Variants in CHKA observed in about 807,000 individuals in gnomAD.
CHKA encodes the protein CHETK-alpha.
In CHKA, 34 loss-of-function variants were observed where a neutral mutation model predicts 60.1. The observed-to-expected ratio is 0.57, with a 90% CI of 0.43 to 0.75. CHKA has a LOEUF of 0.75. Among genes scored for constraint, CHKA ranks in the 30% least tolerant of loss-of-function variants. The probability of loss-of-function intolerance (pLI) is 0.00; values close to 1 mark genes in which losing one functional copy is unlikely to be tolerated. For missense variants in CHKA, 563 were observed against 561.3 expected, an observed-to-expected ratio of 1.00 and a Z score of -0.03; for synonymous variants, 217 against 223.1, an observed-to-expected ratio of 0.97 and a Z score of 0.24.
rs557635700 is a variant in CHKA at position 68,076,137 on chromosome 11, A to C, written c.517-1307T>G. Among the ~76,000 whole-genome samples, 9 of 152,324 alleles carry C rather than the reference A, an allele frequency of 5.9e-5. No individual in the cohort carries two copies. The South Asian group carries it at 1.9e-3, about 32-fold the overall frequency. ...AAATGGATTTGCCGGTAATCCCCCC[A>C]CAATTATCGTCTACAACCATCATTC... On this transcript the variant is annotated intron_variant, in intron 3 of 11. Coordinates refer to ENST00000265689, the MANE Select transcript of CHKA (RefSeq NM_001277.3).
At position 68,077,372 on chromosome 11, in the gene CHKA, T is replaced by C. The variant is rs78688712; in HGVS notation, c.517-2542A>G. 1.5e-3 allele frequency among the ~76,000 whole-genome samples: 224 copies of C among 152,294 alleles called. 1 individual carries two copies. Among genetic ancestry groups the C allele is most frequent in the Non-Finnish European group, 2.1e-3 (141 of 68,024 alleles). On this transcript the variant is annotated intron_variant, in intron 3 of 11. Transcript: ENST00000265689. ...TGTCATCACTATGTCTCCAGGCACCTTCCTGATTGCTCCTGAAAGTGAGCA... is the reference window on the plus strand; with the variant it reads ...TGTCATCACTATGTCTCCAGGCACCCTCCTGATTGCTCCTGAAAGTGAGCA...
At chr11:68,097,197 A>C (rs1590869775) in intron 1 of CHKA, 67 bp from the exon 2 acceptor site, 1 of 1,207,290 alleles carries the variant, frequency 8.3e-7, no homozygotes, top group East Asian at 2.4e-5. Flanking sequence ...TCTTGGATAA[A>C]TATGGATGAA....
In CHKA at chr11:68,078,951, A is replaced by T. The variant is rs550404172; in HGVS notation, c.516+2453T>A. ...TTTTTTTGGAGATATTATTATTATT[A>T]TTTTTTTTTTGGAGATGGATAGCCC... On this transcript the variant is annotated intron_variant, in intron 3 of 11. Coordinates refer to ENST00000265689, the MANE Select transcript of CHKA (RefSeq NM_001277.3). Among the ~76,000 whole-genome samples the T allele has an allele frequency of 5.6e-4, 82 of 146,238 alleles. 1 individual carries two copies. The highest frequency in any genetic ancestry group is 3.3e-3 in the East Asian group (17 of 5,098).
chr11:68,072,102 T>C (rs1377786893), intron 4 of CHKA, among the ~76,000 whole-genome samples: 1 of 152,206 alleles, frequency 6.6e-6, no homozygotes, highest in Non-Finnish European at 1.5e-5. Context: ...TGCTCAGATA[T>C]GAACAAATCT....
chr11:68,110,930 G>A (rs1330139592), intron 1 of CHKA, among the ~76,000 whole-genome samples: 8 of 151,004 alleles, frequency 5.3e-5, no homozygotes, highest in African/African-American at 1.5e-4. Context: ...TCCAGGAGGC[G>A]GAGGTTGCAG....
intron 11 of CHKA, among the ~76,000 whole-genome samples, chr11:68,060,565 C>A (rs935626575): frequency 6.6e-6 from 1 of 152,238 alleles, no homozygotes; most frequent in Admixed American, 6.5e-5. Context: ...ACCACCTCGG[C>A]CTCCCAAAGT....
At chr11:68,105,636 G>A (rs1857888861) in intron 1 of CHKA, among the ~76,000 whole-genome samples, 2 of 151,932 alleles carry the variant, frequency 1.3e-5, no homozygotes. Flanking sequence ...TAGCAACGGG[G>A]ATATTTTGGG....
intron 3 of CHKA, among the ~76,000 whole-genome samples, chr11:68,075,862 TTTTGAAA>T (rs767665711): frequency 4.6e-5 from 7 of 152,164 alleles, no homozygotes; most frequent in Non-Finnish European, 1.0e-4. Context: ...AGCAGGGCTG[TTTTGAAA>T]AAGCTTTCAG....
chr11:68,061,640 G>A (rs1006155862), intron 11 of CHKA: 3 of 463,204 alleles, frequency 6.5e-6, no homozygotes, highest in South Asian at 3.2e-5. Flanking sequence ...GCTGGACTTC[G>A]AGGGTGCAGA....
At chr11:68,105,507 T>A (rs1401068863) in intron 1 of CHKA, among the ~76,000 whole-genome samples, 1 of 87,638 alleles carries the variant, frequency 1.1e-5, no homozygotes, top group African/African-American at 5.0e-5. Context: ...AGAGTGAGAC[T>A]CCATCTCAAA....
rs1856576881 is a variant in CHKA, at chr11:68,070,419, C to T, written c.765-126G>A. The T allele has an allele frequency of 3.6e-5, 27 of 758,986 alleles. 1 individual carries two copies. The South Asian group carries it at 4.4e-4, about 12-fold the overall frequency. 47.0% of individuals were successfully genotyped at this position (758,986 alleles called of 1,614,324 possible). ...CAGTCACAATGCCAGTGGGACCCCT[C>T]TGACTGCCATGACTGAGGGGAAGAG... is the stretch of plus-strand genomic sequence containing the variant. On this transcript the variant is annotated intron_variant, in intron 5 of 11. Coordinates refer to ENST00000265689, the MANE Select transcript of CHKA (RefSeq NM_001277.3).
intron 11 of CHKA, among the ~76,000 whole-genome samples, chr11:68,057,731 GGTTCA>G (rs1310279910): frequency 1.3e-5 from 2 of 152,166 alleles, no homozygotes; most frequent in African/African-American, 4.8e-5. Context: ...CACAGAATCA[GGTTCA>G]GTTTTTTCTC....
At chr11:68,117,428 C>T (rs1350764129) in intron 1 of CHKA, among the ~76,000 whole-genome samples, 1 of 152,166 alleles carries the variant, frequency 6.6e-6, no homozygotes, top group African/African-American at 2.4e-5. Context: ...GTGGCTAACG[C>T]CTGTAATCCC....
Position 68,053,499 on chromosome 11 carries a change from A to G in CHKA, c.*489T>C, listed in dbSNP as rs1184482408. 8.5e-5 allele frequency: 13 copies of G among 153,124 alleles called. No homozygotes were observed. Among genetic ancestry groups the G allele is most frequent in the Admixed American group, 7.8e-4 (12 of 15,324 alleles). 9.5% of individuals were successfully genotyped at this position (153,124 alleles called of 1,614,324 possible). On this transcript the variant is annotated 3_prime_UTR_variant, in exon 12 of 12. Coordinates refer to ENST00000265689, the MANE Select transcript of CHKA (RefSeq NM_001277.3). Reference sequence around the variant, plus strand: ...AGGCAGAGGCCACCTTGCAGCAGTGACTGGCGACTTTGCAGTACATCTCTG... The same window carrying G: ...AGGCAGAGGCCACCTTGCAGCAGTGGCTGGCGACTTTGCAGTACATCTCTG...
intron 1 of CHKA, among the ~76,000 whole-genome samples, chr11:68,111,414 A>C (rs2153030759): frequency 6.6e-6 from 1 of 151,388 alleles, no homozygotes; most frequent in East Asian, 2.0e-4. Flanking sequence ...CTCCATCTCA[A>C]GAAAAAAAAA....
intron 1 of CHKA, among the ~76,000 whole-genome samples, chr11:68,112,047 C>G (rs1858165976): frequency 1.1e-5 from 1 of 93,578 alleles, no homozygotes; most frequent in Non-Finnish European, 2.0e-5. Flanking sequence ...CAGCAAAACT[C>G]CGTCTCAAAA....
chr11:68,079,373 A>G (rs1856900831), intron 3 of CHKA, among the ~76,000 whole-genome samples: 1 of 151,762 alleles, frequency 6.6e-6, no homozygotes. Context: ...ACTGTCGCCC[A>G]GGCTGGAGTG....
intron 11 of CHKA, among the ~76,000 whole-genome samples, chr11:68,056,455 G>T (rs562455890): frequency 6.6e-6 from 1 of 152,300 alleles, no homozygotes; most frequent in East Asian, 1.9e-4. Flanking sequence ...ACCTGGTCAG[G>T]TCTTGCTAGG....
chr11:68,075,787 T>C (rs1856767501), intron 3 of CHKA, among the ~76,000 whole-genome samples: 1 of 152,018 alleles, frequency 6.6e-6, no homozygotes, highest in Non-Finnish European at 1.5e-5. Flanking sequence ...AAGTCTCTTT[T>C]TAAAAAAAAG....
Sources: allele counts gnomAD v4.1 joint callset (sites outside exome capture counted in the v4.1 genomes callset), GRCh38; gene constraint gnomAD v4.1.1; transcripts MANE v1.5; gene names NCBI Gene and HGNC (gene_info 2026-07-23, HGNC 2026-07-21).